The following AGPS variants were observed in gnomAD, a reference collection of about 807,000 sequenced individuals.
The protein encoded by AGPS is alkyldihydroxyacetonephosphate synthase, peroxisomal.
In AGPS, 26 loss-of-function variants were observed where a neutral mutation model predicts 90.7. The ratio of observed to expected loss-of-function variants is 0.29; its 90% confidence interval spans 0.21 to 0.40. The LOEUF (loss-of-function observed/expected upper bound fraction) is 0.40, where lower values mean the gene tolerates loss of function less well. AGPS is among the 10% of genes least tolerant of loss of function. The pLI, the probability that AGPS is intolerant of heterozygous loss-of-function variation, is 1.00. For missense variants in AGPS, 540 were observed against 816.1 expected (o/e 0.66, Z 4.12); for synonymous variants, 294 against 285.3 (o/e 1.03, Z -0.31).
At position 177,409,412 on chromosome 2, in the gene AGPS, G is replaced by A. The variant is rs578013994; in HGVS notation, c.261-10857G>A. Among the ~76,000 whole-genome samples the A allele has an allele frequency of 6.9e-3, 1,015 of 147,214 alleles. 11 individuals carry two copies. The highest frequency in any genetic ancestry group is 0.024 in the African/African-American group (964 of 39,764). On this transcript the variant is annotated intron_variant, in intron 1 of 19. Transcript: ENST00000264167. ...ACTTTTTTTTTTTTTTTTACCTCCT[G>A]CTTTAGCCTAATTTGTATTTTAGTG...
intron 9 of AGPS, among the ~76,000 whole-genome samples, chr2:177,466,065 G>A (rs1458525820): frequency 1.3e-5 from 2 of 152,212 alleles, no homozygotes; most frequent in Non-Finnish European, 2.9e-5. Context: ...TCCGCAGGTA[G>A]GCCATCCTGA....
intron 14 of AGPS, among the ~76,000 whole-genome samples, chr2:177,503,086 A>G (rs944997611): frequency 1.9e-4 from 29 of 152,106 alleles, no homozygotes; most frequent in Admixed American, 1.9e-3. Context: ...AGTATTCCCA[A>G]CAATTTAGAG....
chr2:177,408,508 A>G (rs1685525111), intron 1 of AGPS, among the ~76,000 whole-genome samples: 1 of 152,122 alleles, frequency 6.6e-6, no homozygotes, highest in African/African-American at 2.4e-5. Flanking sequence ...CTCCTTCCAG[A>G]TAGTCCTTTG....
chr2:177,494,822 G>A (rs1016744638), intron 12 of AGPS, among the ~76,000 whole-genome samples: 7 of 152,044 alleles, frequency 4.6e-5, no homozygotes, highest in Non-Finnish European at 8.8e-5. Context: ...CTTTTTGGCT[G>A]TCTATATAAC....
chr2:177,464,415 G>A lies in AGPS; in HGVS notation c.996+2397G>A, dbSNP rs903813993. On this transcript the variant is annotated intron_variant, in intron 9 of 19. Transcript: ENST00000264167. ...ATTAAAGAACGTGTTAATATATTTC[G>A]TAACATTAGTGCATATTTAATTAAA... Among the ~76,000 whole-genome samples, 13 of 152,058 alleles carry A rather than the reference G, an allele frequency of 8.5e-5. 1 individual carries two copies. Among genetic ancestry groups the A allele is most frequent in the South Asian group, 2.1e-4 (1 of 4,834 alleles).
At chr2:177,441,839 T>G (rs1340983465) in intron 6 of AGPS, among the ~76,000 whole-genome samples, 1 of 152,224 alleles carries the variant, frequency 6.6e-6, no homozygotes, top group African/African-American at 2.4e-5. Flanking sequence ...TTTAAATACT[T>G]CTATGTATTA....
At chr2:177,398,516 G>T (rs1300376075) in intron 1 of AGPS, among the ~76,000 whole-genome samples, 2 of 152,126 alleles carry the variant, frequency 1.3e-5, no homozygotes, top group African/African-American at 4.8e-5. Context: ...TTTCAACTCT[G>T]TTCTTGCTCC....
intron 17 of AGPS, among the ~76,000 whole-genome samples, chr2:177,520,459 G>T (rs1025279595): frequency 4.6e-5 from 7 of 152,206 alleles, no homozygotes; most frequent in Non-Finnish European, 1.0e-4. Context: ...CCAATGAAAG[G>T]AACCAGGTTT....
At chr2:177,522,461 T>C (rs998716995) in intron 18 of AGPS, among the ~76,000 whole-genome samples, 3 of 151,654 alleles carry the variant, frequency 2.0e-5, no homozygotes, top group African/African-American at 7.3e-5. Context: ...GTAATGAGGG[T>C]TTTTTGGAGA....
At chr2:177,513,698 C>A in intron 16 of AGPS, 121 bp from the exon 17 acceptor site, 1 of 729,692 alleles carries the variant, frequency 1.4e-6, no homozygotes, top group Admixed American at 2.4e-5. Context: ...GAAAGGACAA[C>A]TATGAAAGCT....
intron 1 of AGPS, among the ~76,000 whole-genome samples, chr2:177,406,431 T>C (rs561020380): frequency 1.3e-5 from 2 of 152,330 alleles, no homozygotes; most frequent in East Asian, 1.9e-4. Flanking sequence ...TTGAAGAAGA[T>C]AGGAAAAGGC....
At chr2:177,435,929 C>T (rs1457229544) in intron 3 of AGPS, among the ~76,000 whole-genome samples, 1 of 152,096 alleles carries the variant, frequency 6.6e-6, no homozygotes, top group African/African-American at 2.4e-5. Context: ...AGCCAAGGCT[C>T]ACAGAAGTTG....
chr2:177,401,658 C>T (rs1252140854), intron 1 of AGPS, among the ~76,000 whole-genome samples: 1 of 152,028 alleles, frequency 6.6e-6, no homozygotes, highest in East Asian at 1.9e-4. Context: ...GATTCTCCTG[C>T]TTCAGCCTCT....
intron 11 of AGPS, among the ~76,000 whole-genome samples, chr2:177,485,711 G>A (rs893022242): frequency 6.6e-5 from 10 of 152,160 alleles, no homozygotes; most frequent in Non-Finnish European, 1.3e-4. Context: ...GAGCCCAGGA[G>A]TTTGAGACCA....
chr2:177,502,998 A>G (rs1688604836), intron 14 of AGPS, among the ~76,000 whole-genome samples: 2 of 152,220 alleles, frequency 1.3e-5, no homozygotes, highest in East Asian at 3.9e-4. Context: ...GAATTGGGGC[A>G]TTATTCATCT....
intron 8 of AGPS, among the ~76,000 whole-genome samples, chr2:177,453,262 C>G (rs1051397550): frequency 2.7e-5 from 4 of 150,734 alleles, no homozygotes; most frequent in African/African-American, 9.7e-5. Context: ...TTTTCCCCCT[C>G]TGGCTACTTT....
At chr2:177,445,783 A>T (rs1252779051) in intron 8 of AGPS, among the ~76,000 whole-genome samples, 157 bp downstream of exon 8, 1 of 152,172 alleles carries the variant, frequency 6.6e-6, no homozygotes, top group Non-Finnish European at 1.5e-5. Flanking sequence ...TTTAGTTTCT[A>T]TTATGGGTCA....
intron 10 of AGPS, among the ~76,000 whole-genome samples, chr2:177,471,424 CA>C (rs1188026308): frequency 6.6e-6 from 1 of 152,002 alleles, no homozygotes; most frequent in Non-Finnish European, 1.5e-5. Flanking sequence ...TTTTTTTCAA[CA>C]AGTAGCTTTC....
intron 2 of AGPS, among the ~76,000 whole-genome samples, chr2:177,427,525 C>A (rs1471870785): frequency 6.6e-6 from 1 of 152,076 alleles, no homozygotes; most frequent in East Asian, 1.9e-4. Flanking sequence ...TTAGCTGCAC[C>A]CCAGAGATTC....
Sources: gnomAD v4.1 joint callset for allele counts (sites outside exome capture counted in the v4.1 genomes callset) on GRCh38, gnomAD v4.1.1 for gene constraint, MANE v1.5 for transcripts, NCBI Gene and HGNC (gene_info 2026-07-23, HGNC 2026-07-21) for gene names.